Variants in LMNB2 observed in about 807,000 individuals in gnomAD.
LMNB2 encodes the protein lamin-B2.
Under a neutral mutation model 69.3 loss-of-function variants are expected in LMNB2, and 17 were observed. The observed-to-expected ratio is 0.25, with a 90% CI of 0.17 to 0.37. The LOEUF (loss-of-function observed/expected upper bound fraction) is 0.37, where lower values mean the gene tolerates loss of function less well. Ranked by LOEUF, LMNB2 falls within the 10% of genes least tolerant of loss-of-function variation. The pLI is 1.00. For missense variants in LMNB2, 789 were observed against 883.6 expected (o/e 0.89, Z 1.36); for synonymous variants, 397 against 389.3 (o/e 1.02, Z -0.23).
chr19:2,430,399 G>C lies in LMNB2; in HGVS notation c.*512C>G, dbSNP rs377192792. The C allele has an allele frequency of 1.5e-5, 3 of 198,592 alleles. No homozygotes were observed. The highest frequency in any genetic ancestry group is 2.3e-5 in the African/African-American group (1 of 42,678). 12.3% of individuals were successfully genotyped at this position (198,592 alleles called of 1,614,324 possible). On this transcript the variant is annotated 3_prime_UTR_variant, in exon 12 of 12. Coordinates refer to ENST00000325327, the MANE Select transcript of LMNB2 (RefSeq NM_032737.4). ...CCCCATGCTGGCCCACACCCGCTGC[G>C]TGGCTGCCTGAGGAGTTCCCGCTGT...
At position 2,453,677 on chromosome 19, in the gene LMNB2, G is replaced by T. The variant is rs1475620653; in HGVS notation, c.264+2993C>A. Among the ~76,000 whole-genome samples the T allele has an allele frequency of 6.6e-6, 1 of 152,170 alleles. No homozygotes were observed. The highest frequency in any genetic ancestry group is 2.4e-5 in the African/African-American group (1 of 41,424). ...TCACCCAGCCTGAGTGAACTGAGTTGTAAAGGATGCTGCTGCGGCCCCGAG... is the reference window on the plus strand; with the variant it reads ...TCACCCAGCCTGAGTGAACTGAGTTTTAAAGGATGCTGCTGCGGCCCCGAG... On this transcript the variant is annotated intron_variant, in intron 1 of 11. Transcript: ENST00000325327. This position sits in a 1 kb window ranked among gnomAD's most constrained non-coding sequence, Gnocchi z 4.4.
Position 2,447,709 on chromosome 19 carries a change from C to T in LMNB2, c.265-3169G>A, listed in dbSNP as rs959675330. On this transcript the variant is annotated intron_variant, in intron 1 of 11. Coordinates refer to ENST00000325327, the MANE Select transcript of LMNB2 (RefSeq NM_032737.4). This position sits in a 1 kb window ranked among gnomAD's most constrained non-coding sequence, Gnocchi z 4.4. Reference sequence around the variant, plus strand: ...TGTCTATGCAAGGTGGGTACAGGGTCGGCCTGCATCTGGAGGGCCACACCC... The same window carrying T: ...TGTCTATGCAAGGTGGGTACAGGGTTGGCCTGCATCTGGAGGGCCACACCC... 1.3e-5 allele frequency among the ~76,000 whole-genome samples: 2 copies of T among 152,270 alleles called. No individual in the cohort carries two copies. Among genetic ancestry groups the T allele is most frequent in the African/African-American group, 4.8e-5 (2 of 41,554 alleles).
At position 2,430,864 on chromosome 19, in the gene LMNB2, T is replaced by C; in HGVS notation, c.*47A>G. On this transcript the variant is annotated 3_prime_UTR_variant, in exon 12 of 12. Transcript: ENST00000325327. Reference sequence around the variant, plus strand: ...GAAAGCCAATGATATAAAAATAGTTTTCAGTGGCTCTGGGTAAAGAAAGGT... The same window carrying C: ...GAAAGCCAATGATATAAAAATAGTTCTCAGTGGCTCTGGGTAAAGAAAGGT... 1.6e-6 allele frequency: 2 copies of C among 1,246,856 alleles called. No homozygotes were observed. The highest frequency in any genetic ancestry group is 2.4e-6 in the Non-Finnish European group (2 of 844,536). The allele number at this position is 1,246,856 out of a possible 1,614,324, so 77.2% of individuals were successfully genotyped here.
chr19:2,431,524 C>G, intron 11 of LMNB2, 24 bp downstream of exon 11: 3 of 1,613,932 alleles, frequency 1.9e-6, no homozygotes, highest in Non-Finnish European at 2.5e-6. Context: ...GCCCCCCAGC[C>G]GCAAGTGGGC....
In LMNB2 at chr19:2,456,898, C is replaced by G. The variant is rs929859723; in HGVS notation, c.36G>C (p.Gln12His). The G allele has an allele frequency of 2.9e-6, 3 of 1,022,518 alleles. No homozygotes were observed. The highest frequency in any genetic ancestry group is 3.5e-6 in the Non-Finnish European group (3 of 855,898). The allele number at this position is 1,022,518 out of a possible 1,614,324, so 63.3% of individuals were successfully genotyped here. Residue 12 changes from glutamine to histidine, a missense_variant, in exon 1 of 12, where the codon CAG becomes CAC. By Grantham distance (24) the Gln-to-His change is conservative (BLOSUM62 0). Coordinates refer to ENST00000325327, the MANE Select transcript of LMNB2 (RefSeq NM_032737.4). ...TGGTGGCGGCGGCTCGCGGCCTGCG[C>G]TGCTCCCGACGGCGGCCCGGGCTCG... ...SPPSPGRRREQRRPRAAATMA... is the reference protein window; with the variant it reads ...SPPSPGRRREHRRPRAAATMA...
In LMNB2 at chr19:2,432,030, G is replaced by A. The variant is rs1358632953; in HGVS notation, c.1591-128C>T. 5.7e-6 allele frequency: 7 copies of A among 1,228,622 alleles called. No individual in the cohort carries two copies. The Admixed American group carries it at 1.5e-4, about 27-fold the overall frequency. The allele number at this position is 1,228,622 out of a possible 1,614,324, so 76.1% of individuals were successfully genotyped here. On this transcript the variant is annotated intron_variant, in intron 9 of 11. Coordinates refer to ENST00000325327, the MANE Select transcript of LMNB2 (RefSeq NM_032737.4). ...GTTCAGTCCTTCCAGCCCGACGCAG[G>A]CTTATCCAGGGTGATGGTCCCCAGG... is the stretch of plus-strand genomic sequence containing the variant.
intron 11 of LMNB2, 29 bp from the exon 12 acceptor site, chr19:2,430,981 C>A: frequency 1.9e-6 from 3 of 1,573,548 alleles, no homozygotes; most frequent in Non-Finnish European, 2.6e-6. Context: ...GAAGGTCGGC[C>A]ATGATCAGGG....
chr19:2,446,523 A>G (rs1971957978), intron 1 of LMNB2, among the ~76,000 whole-genome samples: 2 of 152,222 alleles, frequency 1.3e-5, no homozygotes, highest in Admixed American at 1.3e-4. Context: ...GGCACAGCTC[A>G]GGCTTCTAGT....
intron 8 of LMNB2, 48 bp from the exon 9 acceptor site, chr19:2,432,571 A>G: frequency 1.3e-6 from 2 of 1,485,402 alleles, no homozygotes; most frequent in Non-Finnish European, 1.9e-6. Context: ...GGACTGTGAC[A>G]CCGCCCCCAT....
chr19:2,454,359 C>T (rs1487886121), intron 1 of LMNB2, among the ~76,000 whole-genome samples: 2 of 151,746 alleles, frequency 1.3e-5, no homozygotes, highest in East Asian at 1.9e-4. Context: ...TTCCTTCTAC[C>T]TCCCTGAAGG....
At position 2,430,038 on chromosome 19, in the gene LMNB2, G is replaced by T. The variant is rs1039345007; in HGVS notation, c.*873C>A. 1.3e-5 allele frequency: 2 copies of T among 152,512 alleles called. No homozygotes were observed. Among genetic ancestry groups the T allele is most frequent in the African/African-American group, 4.8e-5 (2 of 41,458 alleles). The allele number at this position is 152,512 out of a possible 1,614,324, so 9.4% of individuals were successfully genotyped here. ...GCTGGAACACGGGAGGGGCTCCACA[G>T]CGCTCTCCTCCAGAGGGTCAACATG... On this transcript the variant is annotated 3_prime_UTR_variant, in exon 12 of 12. Transcript: ENST00000325327.
At chr19:2,451,731 C>T (rs776442191) in intron 1 of LMNB2, among the ~76,000 whole-genome samples, 3 of 152,014 alleles carry the variant, frequency 2.0e-5, no homozygotes, top group Non-Finnish European at 4.4e-5. Flanking sequence ...TGCCTGGGAC[C>T]CCTCGGACAC....
chr19:2,446,099 A>C (rs921661612), intron 1 of LMNB2, among the ~76,000 whole-genome samples: 11 of 1,310 alleles, frequency 8.4e-3, no homozygotes, highest in African/African-American at 0.019. Context: ...CCCACCTTTC[A>C]CCCCTCGATC....
chr19:2,448,664 G>A (rs753022564), intron 1 of LMNB2, among the ~76,000 whole-genome samples: 1 of 152,042 alleles, frequency 6.6e-6, no homozygotes, highest in Non-Finnish European at 1.5e-5. Flanking sequence ...TTGTTAACAC[G>A]GTGAAACCCT....
chr19:2,442,174 T>G (rs1971906857), intron 2 of LMNB2, among the ~76,000 whole-genome samples: 1 of 152,144 alleles, frequency 6.6e-6, no homozygotes, highest in Non-Finnish European at 1.5e-5. Context: ...AGAAAAACAT[T>G]AGGCTTGGCC....
At chr19:2,455,558 C>T (rs538631783) in intron 1 of LMNB2, among the ~76,000 whole-genome samples, 1 of 152,254 alleles carries the variant, frequency 6.6e-6, no homozygotes, top group Admixed American at 6.5e-5. Flanking sequence ...CCAAAATGCA[C>T]CTCTCACGGA....
chr19:2,445,413 T>A (rs761007193), intron 1 of LMNB2, among the ~76,000 whole-genome samples: 2 of 152,166 alleles, frequency 1.3e-5, no homozygotes, highest in East Asian at 3.9e-4. Flanking sequence ...GGCCTTCCCA[T>A]GCTGTGTCCC....
At chr19:2,454,586 C>T (rs1972067951) in intron 1 of LMNB2, among the ~76,000 whole-genome samples, 1 of 152,080 alleles carries the variant, frequency 6.6e-6, no homozygotes, top group South Asian at 2.1e-4. Flanking sequence ...CAGAAATGAC[C>T]CGACCCCCTC....
chr19:2,434,756 G>A (rs753360244), intron 6 of LMNB2, 32 bp downstream of exon 6: 33 of 1,586,500 alleles, frequency 2.1e-5, no homozygotes, highest in Non-Finnish European at 9.4e-6. Flanking sequence ...TTGGGCCAGG[G>A]GGACGGCAGA....
Sources: gnomAD v4.1 joint callset for allele counts (sites outside exome capture counted in the v4.1 genomes callset) on GRCh38, gnomAD v4.1.1 for gene constraint, Gnocchi (gnomAD v3.1) non-coding constraint, MANE v1.5 for transcripts, NCBI Gene and HGNC (gene_info 2026-07-23, HGNC 2026-07-21) for gene names.